Variants in PUDP observed in about 807,000 individuals in gnomAD.
PUDP encodes the protein pseudouridine-5'-phosphatase.
A neutral mutation model predicts 9.4 loss-of-function variants in PUDP; 8 were observed. That is an observed-to-expected ratio of 0.85 (90% confidence interval 0.50 to 1.53). The LOEUF (loss-of-function observed/expected upper bound fraction) is 1.53. PUDP is among the 40% of genes most tolerant of loss of function. The probability of loss-of-function intolerance (pLI) is 0.00; values close to 1 mark genes in which losing one functional copy is unlikely to be tolerated. For synonymous variants in PUDP, 99 were observed against 80.7 expected, an observed-to-expected ratio of 1.23 and a Z score of -1.22; for missense variants, 188 against 189.7, an observed-to-expected ratio of 0.99 and a Z score of 0.05.
In PUDP at chrX:6,823,814, C is replaced by G. The variant is rs908053721; in HGVS notation, c.*248-117348G>C. On this transcript the variant is annotated intron_variant and NMD_transcript_variant, in intron 3 of 3. Coordinates refer to the PUDP transcript ENST00000655425. Reference sequence around the variant, plus strand: ...ATTCCTGGAATGGAGGGTTCCTCCCCTTTTTAGACCATATAGGGTAACTTC... The same window carrying G: ...ATTCCTGGAATGGAGGGTTCCTCCCGTTTTTAGACCATATAGGGTAACTTC... 6.2e-5 allele frequency among the ~76,000 whole-genome samples: 7 copies of G among 112,562 alleles called. No individual in the cohort carries two copies. In the Admixed American group the frequency reaches 6.5e-4, roughly 11 times the overall value.
At chrX:6,767,930 A>G (rs767026159) in intron 3 of PUDP, among the ~76,000 whole-genome samples, 310 of 111,146 alleles carry the variant, frequency 2.8e-3, no homozygotes, top group Non-Finnish European at 4.8e-3. Flanking sequence ...ACTGCTACAC[A>G]TACTGGAGTT....
intron 3 of PUDP, among the ~76,000 whole-genome samples, chrX:6,773,292 TG>T (rs752599522): frequency 1.8e-5 from 2 of 112,306 alleles, no homozygotes; most frequent in East Asian, 5.6e-4. Context: ...CATTTTCTCT[TG>T]CTTTGTGATA....
Position 6,931,457 on chromosome X carries a change from C to T in PUDP, c.*247+45676G>A, listed in dbSNP as rs1370391538. 2.7e-5 allele frequency among the ~76,000 whole-genome samples: 3 copies of T among 112,013 alleles called. No individual in the cohort carries two copies. The South Asian group carries it at 1.1e-3, about 43-fold the overall frequency. ...TTCTAAAGCACTGGGATTATAGGAA[C>T]AAGCCACCGTGACCAGCTTTGCATT... On this transcript the variant is annotated intron_variant and NMD_transcript_variant, in intron 3 of 3. Transcript: ENST00000655425.
At chrX:7,138,721 T>A (rs1932771370) in intron 1 of PUDP, among the ~76,000 whole-genome samples, 1 of 111,728 alleles carries the variant, frequency 9.0e-6, no homozygotes. Context: ...AATCTCTACC[T>A]GCCAGACATT....
At chrX:6,766,009 C>T (rs1405693034) in intron 3 of PUDP, among the ~76,000 whole-genome samples, 1 of 111,538 alleles carries the variant, frequency 9.0e-6, no homozygotes, top group Non-Finnish European at 1.9e-5. Flanking sequence ...AACACCTTAC[C>T]TCTAGGGAAA....
At chrX:6,723,239 C>T (rs1924693736), upstream of PUDP, among the ~76,000 whole-genome samples, 1 of 100,896 alleles carries the variant, frequency 9.9e-6, no homozygotes, top group Non-Finnish European at 2.0e-5. Flanking sequence ...CACAGTGAGA[C>T]CTCCATCTCT....
intron 3 of PUDP, among the ~76,000 whole-genome samples, chrX:6,944,850 G>A (rs1369029373): frequency 1.8e-5 from 2 of 111,025 alleles, no homozygotes; most frequent in Non-Finnish European, 3.8e-5. Context: ...CATGCCCATG[G>A]ACCAGAGCTC....
intron 1 of PUDP, among the ~76,000 whole-genome samples, chrX:7,029,758 A>C (rs1376647998): frequency 1.8e-5 from 2 of 111,553 alleles, no homozygotes. Flanking sequence ...TTAGATTCTT[A>C]ATTGGCAATT....
intron 3 of PUDP, among the ~76,000 whole-genome samples, chrX:6,790,508 G>C (rs943581152): frequency 1.8e-5 from 2 of 112,293 alleles, no homozygotes; most frequent in African/African-American, 6.5e-5. Flanking sequence ...ACATAGGATG[G>C]CCAGATTTAG....
At chrX:6,963,747 T>C (rs1304156242) in intron 3 of PUDP, among the ~76,000 whole-genome samples, 4 of 112,001 alleles carry the variant, frequency 3.6e-5, no homozygotes, top group Non-Finnish European at 5.6e-5. Context: ...AATGCTGTGC[T>C]CAAAGTGAGA....
intron 3 of PUDP, among the ~76,000 whole-genome samples, chrX:6,908,669 C>A (rs928110692): frequency 9.1e-6 from 1 of 110,477 alleles, no homozygotes; most frequent in Non-Finnish European, 1.9e-5. Context: ...AGAGCTCTAT[C>A]ATATAAAATT....
At chrX:7,074,608 A>G (rs1930839194) in intron 3 of PUDP, among the ~76,000 whole-genome samples, 1 of 112,357 alleles carries the variant, frequency 8.9e-6, no homozygotes. Flanking sequence ...ATGGTTATGG[A>G]GTGCAGCACC....
intron 1 of PUDP, among the ~76,000 whole-genome samples, chrX:6,712,243 G>A (rs948038621): frequency 8.9e-6 from 1 of 112,021 alleles, no homozygotes; most frequent in Non-Finnish European, 1.9e-5. Context: ...CTCTGCCTGC[G>A]AGGTTCAAGC....
At chrX:7,130,742 C>T (rs766900845) in intron 1 of PUDP, among the ~76,000 whole-genome samples, 21 of 111,147 alleles carry the variant, frequency 1.9e-4, no homozygotes, top group Non-Finnish European at 1.1e-4. Flanking sequence ...AGCAATTAGC[C>T]GGGTGCAGTG....
intron 3 of PUDP, among the ~76,000 whole-genome samples, chrX:6,970,385 C>A (rs1404743777): frequency 1.8e-5 from 2 of 111,642 alleles, no homozygotes; most frequent in East Asian, 5.6e-4. Flanking sequence ...TCCTTTTGGG[C>A]ATAAAAAATA....
At chrX:7,016,656 G>A (rs1929553624) in intron 1 of PUDP, among the ~76,000 whole-genome samples, 1 of 111,125 alleles carries the variant, frequency 9.0e-6, no homozygotes, top group African/African-American at 3.3e-5. Flanking sequence ...TGCCACGGAG[G>A]CCAGGATGCT....
intron 3 of PUDP, among the ~76,000 whole-genome samples, chrX:6,921,270 CTA>C (rs1928018777): frequency 9.1e-6 from 1 of 110,262 alleles, no homozygotes; most frequent in African/African-American, 3.3e-5. Flanking sequence ...CTGGCCCCAG[CTA>C]CTCAGGAGGC....
At chrX:6,861,665 A>G (rs1186734724) in intron 3 of PUDP, among the ~76,000 whole-genome samples, 1 of 111,422 alleles carries the variant, frequency 9.0e-6, no homozygotes, top group Non-Finnish European at 1.9e-5. Flanking sequence ...ACCCCGAGAC[A>G]AGGAGGTGAG....
intron 1 of PUDP, among the ~76,000 whole-genome samples, chrX:7,002,767 C>T (rs952430407): frequency 9.0e-6 from 1 of 111,028 alleles, no homozygotes; most frequent in Non-Finnish European, 1.9e-5. Context: ...TTAGATGGAA[C>T]TCATCAGAGG....
Sources: allele counts gnomAD v4.1 joint callset (sites outside exome capture counted in the v4.1 genomes callset), GRCh38; gene constraint gnomAD v4.1.1; transcripts MANE v1.5; gene names NCBI Gene and HGNC (gene_info 2026-07-23, HGNC 2026-07-21).